PCDH15: variants seen among roughly 807,000 people sequenced by gnomAD.
PCDH15 encodes protocadherin related 15, also known as protocadherin-15.
PCDH15 carries 129 observed loss-of-function variants against 178.5 expected under a neutral mutation model. The ratio of observed to expected loss-of-function variants is 0.72; its 90% confidence interval spans 0.63 to 0.84. The LOEUF (loss-of-function observed/expected upper bound fraction) is 0.84. Ranked by LOEUF, PCDH15 falls within the 40% of genes least tolerant of loss-of-function variation. The pLI is 0.00. For synonymous variants in PCDH15, 800 were observed against 732.0 expected (o/e 1.09, Z -1.50); for missense variants, 2,230 against 2,099.9 (o/e 1.06, Z -1.21).
intron 2 of PCDH15, among the ~76,000 whole-genome samples, chr10:55,144,857 T>C (rs1263289006): frequency 1.3e-5 from 2 of 152,052 alleles, no homozygotes; most frequent in Non-Finnish European, 2.9e-5. Context: ...ATTACAGTGC[T>C]CCATATTTTA....
chr10:53,862,172 C>T (rs528287680), intron 27 of PCDH15, among the ~76,000 whole-genome samples: 6 of 152,022 alleles, frequency 3.9e-5, no homozygotes, highest in Non-Finnish European at 8.8e-5. Flanking sequence ...CTGCCTCATT[C>T]TCCCGAGTAT....
chr10:55,200,292 T>G (rs1332020275), intron 1 of PCDH15, among the ~76,000 whole-genome samples: 1 of 152,068 alleles, frequency 6.6e-6, no homozygotes, highest in Non-Finnish European at 1.5e-5. Context: ...TCAAATGAGA[T>G]TATTTTGGAG....
At chr10:54,824,603 G>A (rs1953096609) in intron 3 of PCDH15, among the ~76,000 whole-genome samples, 1 of 152,090 alleles carries the variant, frequency 6.6e-6, no homozygotes, top group Non-Finnish European at 1.5e-5. Flanking sequence ...AGAAATGGGA[G>A]GCAAAAACAT....
rs180857421 is a variant in PCDH15 at position 54,838,745 on chromosome 10, G to A, written c.-29+58705C>T. Among the ~76,000 whole-genome samples the A allele has an allele frequency of 9.5e-3, 1,439 of 152,230 alleles. 14 individuals carry two copies. Among genetic ancestry groups the A allele is most frequent in the Non-Finnish European group, 0.014 (930 of 68,034 alleles). On this transcript the variant is annotated intron_variant, in intron 3 of 5. Transcript: ENST00000458638. ...AGGTATGTCGCTTTGTGTACCTAGA[G>A]GCAGGCCTGTCAATCTTGATCTTAG...
chr10:53,880,939 G>A (rs1443217194), intron 26 of PCDH15, among the ~76,000 whole-genome samples: 2 of 152,064 alleles, frequency 1.3e-5, no homozygotes, highest in African/African-American at 4.8e-5. Context: ...CATTTAAATT[G>A]ATGGTATTTT....
intron 25 of PCDH15, among the ~76,000 whole-genome samples, chr10:53,936,919 AG>A (rs1564811328): frequency 5.9e-5 from 9 of 152,290 alleles, no homozygotes; most frequent in African/African-American, 2.2e-4. Flanking sequence ...GATTGACTAT[AG>A]GCCATTAACA....
chr10:54,152,966 A>G (rs2044689288), intron 14 of PCDH15, 134 bp downstream of exon 14: 1 of 1,083,412 alleles, frequency 9.2e-7, no homozygotes, highest in African/African-American at 1.6e-5. Flanking sequence ...AGTTCCTGAG[A>G]ATCTGGTCTC....
At position 54,560,890 on chromosome 10, in the gene PCDH15, G is replaced by T. The variant is rs182689850; in HGVS notation, c.92-33013C>A. ...TGAGCTAACATTAAAACCATTGGATGGGTTGTGTTTGTGTCCTTGCCAGTT... is the reference window on the plus strand; with the variant it reads ...TGAGCTAACATTAAAACCATTGGATTGGTTGTGTTTGTGTCCTTGCCAGTT... On this transcript the variant is annotated intron_variant, in intron 2 of 37. Coordinates refer to ENST00000644397, the MANE Select transcript of PCDH15 (RefSeq NM_001384140.1). 2.0e-5 allele frequency among the ~76,000 whole-genome samples: 3 copies of T among 152,136 alleles called. No homozygotes were observed. In the East Asian group the frequency reaches 5.8e-4, roughly 29 times the overall value.
chr10:55,154,067 C>T (rs2799582), intron 2 of PCDH15, among the ~76,000 whole-genome samples: 148,665 of 152,260 alleles, frequency 0.98, 72,588 homozygotes, highest in East Asian at 1. Context: ...CGCTCCTATA[C>T]AATTTTCCTA....
At chr10:54,686,041 A>ATTTTTTTTTTTTTTTTTTTTT (rs66539612) in intron 1 of PCDH15, among the ~76,000 whole-genome samples, 6 of 126,876 alleles carry the variant, frequency 4.7e-5, no homozygotes, top group Non-Finnish European at 8.0e-5. Context: ...AAGACAGCCA[A>ATTTTTTTTTTTTTTTTTTTTT]TTTTTTTTTT....
At chr10:55,451,795 T>C (rs1167052342) in intron 2 of PCDH15, among the ~76,000 whole-genome samples, 1 of 152,158 alleles carries the variant, frequency 6.6e-6, no homozygotes, top group Non-Finnish European at 1.5e-5. Flanking sequence ...TGTGTGCATG[T>C]ACACATCTAT....
rs1841074400 is a variant in PCDH15 at position 53,805,172 on chromosome 10, T to TAATA, written c.*1403_*1406dup. ...GCGAAACATGTAAGAGGGGAATAAA[T>TAATA]AATAGTGCATTATTCAGTCCTTCAA... is the stretch of plus-strand genomic sequence containing the variant. On this transcript the variant is annotated 3_prime_UTR_variant, in exon 38 of 38. Coordinates refer to ENST00000644397, the MANE Select transcript of PCDH15 (RefSeq NM_001384140.1). The TAATA allele has an allele frequency of 1.3e-5, 2 of 152,014 alleles. No individual in the cohort carries two copies. Among genetic ancestry groups the TAATA allele is most frequent in the African/African-American group, 2.4e-5 (1 of 41,436 alleles). 9.4% of individuals were successfully genotyped at this position (152,014 alleles called of 1,614,324 possible). A position where few individuals can be genotyped will look rare whatever the true frequency, so the allele number is the denominator to read the frequency against.
At chr10:53,966,853 TTTAA>T (rs1476385428) in intron 21 of PCDH15, among the ~76,000 whole-genome samples, 1 of 151,348 alleles carries the variant, frequency 6.6e-6, no homozygotes, top group African/African-American at 2.4e-5. Flanking sequence ...AATTATATAT[TTTAA>T]TTATTATATA....
intron 18 of PCDH15, among the ~76,000 whole-genome samples, chr10:54,049,320 A>T (rs1380122069): frequency 2.0e-5 from 3 of 152,016 alleles, no homozygotes; most frequent in Non-Finnish European, 2.9e-5. Context: ...GTGAGGAGAG[A>T]TATTTTGACT....
intron 26 of PCDH15, among the ~76,000 whole-genome samples, chr10:53,902,852 A>C (rs1471844379): frequency 1.3e-5 from 2 of 152,090 alleles, no homozygotes; most frequent in Non-Finnish European, 2.9e-5. Context: ...AATTTCAGAA[A>C]AAAATGGTTA....
chr10:54,815,144 GTT>G (rs200800809), intron 3 of PCDH15, among the ~76,000 whole-genome samples: 2 of 146,578 alleles, frequency 1.4e-5, no homozygotes, highest in Admixed American at 1.4e-4. Context: ...AAATATGTTG[GTT>G]TTTTTTTTTA....
intron 1 of PCDH15, among the ~76,000 whole-genome samples, chr10:55,261,375 C>T (rs1314364468): frequency 6.6e-6 from 1 of 152,112 alleles, no homozygotes; most frequent in Non-Finnish European, 1.5e-5. Context: ...AAATTTAGGG[C>T]ACAGCCATCA....
intron 20 of PCDH15, among the ~76,000 whole-genome samples, chr10:54,005,876 A>G (rs11003996): frequency 0.044 from 6,671 of 152,162 alleles, 180 homozygotes; most frequent in East Asian, 0.11. Context: ...TTGCAGCACT[A>G]TTTACCATGG....
intron 1 of PCDH15, among the ~76,000 whole-genome samples, chr10:54,790,356 CTA>C (rs1404479133): frequency 2.0e-5 from 3 of 150,822 alleles, no homozygotes; most frequent in Non-Finnish European, 4.4e-5. Flanking sequence ...ATATATATAC[CTA>C]TATATGTAAA....
Sources: gnomAD v4.1 joint callset for allele counts (sites outside exome capture counted in the v4.1 genomes callset) on GRCh38, gnomAD v4.1.1 for gene constraint, MANE v1.5 for transcripts, NCBI Gene and HGNC (gene_info 2026-07-23, HGNC 2026-07-21) for gene names.